Variants in VWA8 observed in about 807,000 individuals in gnomAD.
VWA8 encodes the protein von Willebrand factor A domain containing 8.
In VWA8, 221 loss-of-function variants were observed where a neutral mutation model predicts 241.5. The observed-to-expected ratio is 0.91, with a 90% confidence interval of 0.82 to 1.02. The LOEUF (loss-of-function observed/expected upper bound fraction) is 1.02, where lower values mean the gene tolerates loss of function less well. Ranked by LOEUF, VWA8 falls within the 50% of genes least tolerant of loss-of-function variation. The pLI is 0.00. For missense variants in VWA8, 2,322 were observed against 2,328.7 expected (o/e 1.00, Z 0.06); for synonymous variants, 852 against 827.1 (o/e 1.03, Z -0.52).
intron 34 of VWA8, 69 bp downstream of exon 34, chr13:41,689,285 G>A (rs1413319064): frequency 2.0e-6 from 3 of 1,497,062 alleles, no homozygotes; most frequent in Non-Finnish European, 2.7e-6. Flanking sequence ...CCTCAAACAG[G>A]CTTACAGATT....
At chr13:41,835,449 G>A (rs1022369837) in intron 12 of VWA8, among the ~76,000 whole-genome samples, 1 of 152,002 alleles carries the variant, frequency 6.6e-6, no homozygotes, top group African/African-American at 2.4e-5. Context: ...TAAATTATAT[G>A]CAAATTATAT....
chr13:41,574,621 A>G (rs1206675623), intron 43 of VWA8, among the ~76,000 whole-genome samples: 3 of 152,210 alleles, frequency 2.0e-5, no homozygotes, highest in East Asian at 3.8e-4. Flanking sequence ...CCAAAGCAAT[A>G]CTAAGCAAAA....
chr13:41,771,886 C>CTT (rs10639837), intron 20 of VWA8, among the ~76,000 whole-genome samples: 13,862 of 100,166 alleles, frequency 0.14, 1,370 homozygotes, highest in Non-Finnish European at 0.18. Context: ...CCAGCAGGGA[C>CTT]TTTTTTTTTT....
chr13:41,921,791 A>G (rs1331929897), intron 2 of VWA8, among the ~76,000 whole-genome samples: 1 of 152,256 alleles, frequency 6.6e-6, no homozygotes, highest in African/African-American at 2.4e-5. Context: ...AAGAGGACAC[A>G]AACAAATGGA....
chr13:41,579,909 C>T (rs995183416), intron 42 of VWA8, among the ~76,000 whole-genome samples: 3 of 152,084 alleles, frequency 2.0e-5, no homozygotes, highest in African/African-American at 4.8e-5. Context: ...TGCACTGGTA[C>T]GATCACAGCT....
chr13:41,707,545 C>T (rs1046243428), intron 26 of VWA8, among the ~76,000 whole-genome samples: 6 of 152,140 alleles, frequency 3.9e-5, no homozygotes, highest in Non-Finnish European at 8.8e-5. Flanking sequence ...AGAAAAATAA[C>T]AACTCCAATT....
intron 37 of VWA8, among the ~76,000 whole-genome samples, chr13:41,621,443 T>C (rs1234230608): frequency 6.6e-6 from 1 of 152,218 alleles, no homozygotes; most frequent in African/African-American, 2.4e-5. Context: ...GACTCTTCTG[T>C]AGGCCAATTC....
At chr13:41,773,989 T>C (rs1868465758) in intron 20 of VWA8, among the ~76,000 whole-genome samples, 1 of 152,142 alleles carries the variant, frequency 6.6e-6, no homozygotes, top group Admixed American at 6.5e-5. Context: ...AATTCATTAG[T>C]CTCCTTCACT....
At chr13:41,771,457 T>C (rs2045822555) in intron 20 of VWA8, among the ~76,000 whole-genome samples, 1 of 152,158 alleles carries the variant, frequency 6.6e-6, no homozygotes, top group Middle Eastern at 3.2e-3. Context: ...TACTTGAACA[T>C]TTCAGAACAC....
chr13:41,838,503 C>A (rs1435509984), intron 12 of VWA8, among the ~76,000 whole-genome samples: 1 of 152,112 alleles, frequency 6.6e-6, no homozygotes, highest in Non-Finnish European at 1.5e-5. Context: ...TAGAGTATGA[C>A]TTCAACCAGG....
rs139087274 is a variant in VWA8, at chr13:41,643,606, G to A, written c.4611+27340C>T. Among the ~76,000 whole-genome samples, 634 of 152,298 alleles carry A rather than the reference G, an allele frequency of 4.2e-3. 4 individuals carry two copies. The highest frequency in any genetic ancestry group is 0.014 in the African/African-American group (590 of 41,544). ...ACGTTGTTTGCATATGTTAGTCTTG[G>A]GTGAGTTAATACAGCCACAGAGCTT... is the stretch of plus-strand genomic sequence containing the variant. On this transcript the variant is annotated intron_variant, in intron 37 of 44. Coordinates refer to ENST00000379310, the MANE Select transcript of VWA8 (RefSeq NM_015058.2).
chr13:41,931,774 A>G (rs1877136096), intron 2 of VWA8, among the ~76,000 whole-genome samples: 1 of 152,112 alleles, frequency 6.6e-6, no homozygotes, highest in East Asian at 1.9e-4. Flanking sequence ...AACTGAATGA[A>G]AGTGAAAACA....
chr13:41,631,508 A>T (rs1338607095), intron 37 of VWA8, among the ~76,000 whole-genome samples: 1 of 151,706 alleles, frequency 6.6e-6, no homozygotes, highest in African/African-American at 2.4e-5. Context: ...ATAGGTGATG[A>T]CCTCTCTTCT....
chr13:41,864,462 A>C (rs1472259802), intron 12 of VWA8: 1 of 293,076 alleles, frequency 3.4e-6, no homozygotes, highest in Non-Finnish European at 6.7e-6. Flanking sequence ...AGAAACAAAG[A>C]GTGGTATAGA....
intron 29 of VWA8, among the ~76,000 whole-genome samples, chr13:41,694,300 C>T (rs1002563615): frequency 6.6e-6 from 1 of 151,880 alleles, no homozygotes; most frequent in Non-Finnish European, 1.5e-5. Flanking sequence ...ATAGTATTTG[C>T]ACCATATAAC....
rs537943566 is a variant in VWA8 at position 41,829,971 on chromosome 13, A to G, written c.1700+558T>C. On this transcript the variant is annotated intron_variant, in intron 14 of 44. Coordinates refer to ENST00000379310, the MANE Select transcript of VWA8 (RefSeq NM_015058.2). ...AAAAAAATCACTGTCGGCCGGGCAC[A>G]GTGGCTCACGCCTGTAATCCCAGCA... Among the ~76,000 whole-genome samples the G allele has an allele frequency of 3.2e-4, 49 of 152,334 alleles. No homozygotes were observed. In the South Asian group the frequency reaches 5.4e-3, roughly 17 times the overall value.
At chr13:41,815,591 G>C (rs1870655515) in intron 16 of VWA8, among the ~76,000 whole-genome samples, 1 of 152,160 alleles carries the variant, frequency 6.6e-6, no homozygotes, top group Non-Finnish European at 1.5e-5. Flanking sequence ...ACCCAGAAGG[G>C]GCAAGGAATA....
At chr13:41,685,343 T>C (rs2045128967) in intron 34 of VWA8, 101 bp from the exon 35 acceptor site, 8 of 1,094,436 alleles carry the variant, frequency 7.3e-6, no homozygotes, top group African/African-American at 3.2e-5. Context: ...GGGAAACTAA[T>C]GTTTCACAGG....
intron 12 of VWA8, among the ~76,000 whole-genome samples, chr13:41,840,458 A>G (rs1379922512): frequency 6.6e-6 from 1 of 152,038 alleles, no homozygotes; most frequent in Non-Finnish European, 1.5e-5. Flanking sequence ...CCAGAACTTA[A>G]AGTATTAAAA....
Sources: allele counts gnomAD v4.1 joint callset (sites outside exome capture counted in the v4.1 genomes callset), GRCh38; gene constraint gnomAD v4.1.1; transcripts MANE v1.5; gene names NCBI Gene and HGNC (gene_info 2026-07-23, HGNC 2026-07-21).